The following CFH variants were observed in gnomAD, a reference collection of about 807,000 sequenced individuals.
The protein encoded by CFH is complement factor H.
CFH carries 53 observed loss-of-function variants against 147.3 expected under a neutral mutation model. That is an observed-to-expected ratio of 0.36 (90% CI 0.29 to 0.45). The LOEUF (loss-of-function observed/expected upper bound fraction) is 0.45. Among genes scored for constraint, CFH ranks in the 20% least tolerant of loss-of-function variants. The probability of loss-of-function intolerance (pLI) is 1.00; values close to 1 mark genes in which losing one functional copy is unlikely to be tolerated. For missense variants in CFH, 1,380 were observed against 1,498.0 expected (o/e 0.92, Z 1.30); for synonymous variants, 536 against 489.4 (o/e 1.10, Z -1.26).
intron 14 of CFH, among the ~76,000 whole-genome samples, chr1:196,727,663 A>G (rs1669179173): frequency 6.6e-6 from 1 of 151,988 alleles, no homozygotes; most frequent in Non-Finnish European, 1.5e-5. Context: ...CCTACTTACT[A>G]CTCTCCCATA....
chr1:196,742,499 C>T (rs762142928), intron 19 of CFH, among the ~76,000 whole-genome samples: 1 of 152,110 alleles, frequency 6.6e-6, no homozygotes, highest in African/African-American at 2.4e-5. Flanking sequence ...TAAGTTTTTA[C>T]GGCAGGACAA....
chr1:196,740,963 A>T (rs1372343837), intron 18 of CFH, 171 bp downstream of exon 18: 2 of 669,456 alleles, frequency 3.0e-6, no homozygotes, highest in Non-Finnish European at 5.1e-6. Flanking sequence ...TGACATTATA[A>T]GCCAAATTAG....
chr1:196,717,215 G>A (rs1284966709), intron 11 of CFH, among the ~76,000 whole-genome samples: 2 of 152,022 alleles, frequency 1.3e-5, no homozygotes, highest in African/African-American at 4.8e-5. Flanking sequence ...ACTGCTTGCT[G>A]GGCATGTATC....
In CFH at chr1:196,726,951, C is replaced by T; in HGVS notation, c.2236+11C>T. On this transcript the variant is annotated intron_variant, in intron 14 of 21. Transcript: ENST00000367429. ...TTCCCCAGTGTGTGGGTGAGAATACCCTTCTTAAATCAACATTTAACAAAG... is the reference window on the plus strand; with the variant it reads ...TTCCCCAGTGTGTGGGTGAGAATACTCTTCTTAAATCAACATTTAACAAAG... 1.2e-6 allele frequency: 2 copies of T among 1,606,556 alleles called. No individual in the cohort carries two copies. The highest frequency in any genetic ancestry group is 1.7e-6 in the Non-Finnish European group (2 of 1,173,420).
chr1:196,712,159 A>G (rs1573051968), intron 9 of CFH, among the ~76,000 whole-genome samples: 1 of 152,062 alleles, frequency 6.6e-6, no homozygotes, highest in Non-Finnish European at 1.5e-5. Flanking sequence ...CTGCTTTCCA[A>G]TGTCTGAAAA....
intron 12 of CFH, among the ~76,000 whole-genome samples, chr1:196,726,143 T>C (rs760583895): frequency 6.6e-6 from 1 of 152,196 alleles, no homozygotes; most frequent in Non-Finnish European, 1.5e-5. Flanking sequence ...GCCTCAGTTA[T>C]GATATTTTTC....
chr1:196,732,492 C>T (rs1229417069), intron 15 of CFH, among the ~76,000 whole-genome samples: 2 of 151,910 alleles, frequency 1.3e-5, no homozygotes, highest in Non-Finnish European at 2.9e-5. Flanking sequence ...TCTGGAGACT[C>T]ATCTTGTTCT....
intron 10 of CFH, among the ~76,000 whole-genome samples, chr1:196,714,621 G>GTA (rs1272332648): frequency 2.3e-5 from 2 of 87,866 alleles, no homozygotes; most frequent in African/African-American, 8.9e-5. Context: ...GTGTGTGTGT[G>GTA]TATACGTATA....
At chr1:196,736,389 A>G (rs1669401579) in intron 15 of CFH, among the ~76,000 whole-genome samples, 1 of 152,194 alleles carries the variant, frequency 6.6e-6, no homozygotes, top group Middle Eastern at 3.4e-3. Flanking sequence ...ATCAGATTCC[A>G]TTGGCAGAAA....
intron 20 of CFH, among the ~76,000 whole-genome samples, chr1:196,743,994 T>C (rs1388051513): frequency 1.3e-5 from 2 of 152,140 alleles, no homozygotes; most frequent in African/African-American, 2.4e-5. Context: ...GACTGTGATA[T>C]AAATGTGGGC....
chr1:196,696,412 T>G (rs1182208797), intron 9 of CFH, among the ~76,000 whole-genome samples: 1 of 152,096 alleles, frequency 6.6e-6, no homozygotes, highest in Non-Finnish European at 1.5e-5. Context: ...TTGAAACCAA[T>G]GAGAAGACAG....
intron 11 of CFH, among the ~76,000 whole-genome samples, chr1:196,722,840 G>A (rs1393934711): frequency 2.6e-5 from 4 of 152,044 alleles, no homozygotes. Flanking sequence ...AGCTCTGAGA[G>A]CAAGTTTTTC....
intron 6 of CFH, among the ~76,000 whole-genome samples, chr1:196,680,285 C>T (rs371286562): frequency 1.4e-5 from 2 of 143,240 alleles, no homozygotes; most frequent in East Asian, 2.0e-4. Flanking sequence ...TATGACTCAA[C>T]GGTGATGATG....
At chr1:196,681,232 A>C (rs1473556988) in intron 6 of CFH, among the ~76,000 whole-genome samples, 1 of 151,842 alleles carries the variant, frequency 6.6e-6, no homozygotes, top group Non-Finnish European at 1.5e-5. Context: ...CCATCATTCC[A>C]GCTTTCAATG....
chr1:196,695,366 A>C (rs1366434007), intron 9 of CFH, among the ~76,000 whole-genome samples: 1 of 152,020 alleles, frequency 6.6e-6, no homozygotes, highest in African/African-American at 2.4e-5. Context: ...ATTGGCCTAT[A>C]TATCTGTTCT....
chr1:196,732,764 G>C (rs1433954671), intron 15 of CFH, among the ~76,000 whole-genome samples: 1 of 152,058 alleles, frequency 6.6e-6, no homozygotes, highest in Non-Finnish European at 1.5e-5. Flanking sequence ...TAGGAGCCAG[G>C]AGGTCTAGAT....
intron 15 of CFH, 113 bp from the exon 16 acceptor site, chr1:196,736,711 T>C (rs1457084460): frequency 4.8e-6 from 2 of 416,258 alleles, no homozygotes; most frequent in Non-Finnish European, 7.1e-6. Flanking sequence ...TATTGATCTT[T>C]CTATTTATTC....
intron 21 of CFH, among the ~76,000 whole-genome samples, chr1:196,746,908 A>G (rs899457265): frequency 6.6e-6 from 1 of 152,190 alleles, no homozygotes; most frequent in African/African-American, 2.4e-5. Context: ...TAATTCTCAT[A>G]CATTAAACAT....
rs780125819 is a variant in CFH, at chr1:196,675,951, C to T, written c.351-38C>T. ...TCGAGTTTAAAACTGCATGTAAACA[C>T]ACATTATGTCAACGTTCTGTTATTT... On this transcript the variant is annotated intron_variant, in intron 3 of 21. Coordinates refer to ENST00000367429, the MANE Select transcript of CFH (RefSeq NM_000186.4). The T allele has an allele frequency of 2.8e-5, 38 of 1,359,072 alleles. No individual in the cohort carries two copies. The African/African-American group carries it at 2.9e-4, about 10-fold the overall frequency. 84.2% of individuals were successfully genotyped at this position (1,359,072 alleles called of 1,614,324 possible). A position where few individuals can be genotyped will look rare whatever the true frequency, so the allele number is the denominator to read the frequency against.
Sources: gnomAD v4.1 joint callset for allele counts (sites outside exome capture counted in the v4.1 genomes callset) on GRCh38, gnomAD v4.1.1 for gene constraint, MANE v1.5 for transcripts, NCBI Gene and HGNC (gene_info 2026-07-23, HGNC 2026-07-21) for gene names.